The following MEMO1 variants were observed in gnomAD, a reference collection of about 807,000 sequenced individuals.
MEMO1 encodes mediator of cell motility 1.
In MEMO1, 6 loss-of-function variants were observed where a neutral mutation model predicts 45.2. The observed-to-expected ratio is 0.13, with a 90% CI of 0.07 to 0.26. The LOEUF (loss-of-function observed/expected upper bound fraction) is 0.26, where lower values mean the gene tolerates loss of function less well. Ranked by LOEUF, MEMO1 falls within the 10% of genes least tolerant of loss-of-function variation. MEMO1 has a pLI of 1.00. For missense variants in MEMO1, 184 were observed against 370.5 expected, an observed-to-expected ratio of 0.50 and a Z score of 4.13; for synonymous variants, 78 against 124.3, an observed-to-expected ratio of 0.63 and a Z score of 2.48.
At chr2:32,000,957 T>A (rs1394776715) in intron 2 of MEMO1, among the ~76,000 whole-genome samples, 4 of 151,762 alleles carry the variant, frequency 2.6e-5, no homozygotes. Flanking sequence ...GCCTTTCACA[T>A]AGCAGAAATT....
At chr2:31,925,469 C>T (rs373640591) in intron 4 of MEMO1, among the ~76,000 whole-genome samples, 64 of 39,354 alleles carry the variant, frequency 1.6e-3, no homozygotes, top group African/African-American at 5.5e-3. Context: ...GAGCAAGACT[C>T]CGTCTCAAAA....
At chr2:31,953,869 T>C (rs900031700) in intron 2 of MEMO1, among the ~76,000 whole-genome samples, 4 of 152,302 alleles carry the variant, frequency 2.6e-5, no homozygotes, top group Admixed American at 6.5e-5. Context: ...CCTTCAAATA[T>C]TTTGAAAAAT....
intron 2 of MEMO1, among the ~76,000 whole-genome samples, chr2:32,006,848 T>G (rs1276740480): frequency 6.6e-6 from 1 of 151,034 alleles, no homozygotes; most frequent in African/African-American, 2.4e-5. Context: ...GCCTGCAGTC[T>G]CAGCTACTCA....
At chr2:31,932,930 G>A (rs964527472) in intron 3 of MEMO1, among the ~76,000 whole-genome samples, 16 of 151,838 alleles carry the variant, frequency 1.1e-4, no homozygotes, top group Non-Finnish European at 2.4e-4. Context: ...TCTGGTCTCC[G>A]AATTCAGTCA....
chr2:31,888,820 T>C (rs1383814366), intron 7 of MEMO1, among the ~76,000 whole-genome samples: 1 of 152,018 alleles, frequency 6.6e-6, no homozygotes. Context: ...ATGAGGGGAT[T>C]GAAAGAAGGG....
At chr2:31,966,504 G>A (rs1384241955) in intron 2 of MEMO1, among the ~76,000 whole-genome samples, 1 of 152,140 alleles carries the variant, frequency 6.6e-6, no homozygotes, top group Non-Finnish European at 1.5e-5. Flanking sequence ...GCCAAGGCAG[G>A]GGGATCACCT....
chr2:31,869,807 T>C, intron 9 of MEMO1, 41 bp downstream of exon 9: 2 of 1,561,016 alleles, frequency 1.3e-6, no homozygotes, highest in Non-Finnish European at 8.6e-7. Context: ...GAATATCATA[T>C]GACCAAATGT....
intron 2 of MEMO1, among the ~76,000 whole-genome samples, chr2:32,008,946 A>G (rs1674443030): frequency 6.6e-6 from 1 of 152,190 alleles, no homozygotes; most frequent in African/African-American, 2.4e-5. Context: ...CTCCAAGCCA[A>G]TTCTTTGCAA....
At chr2:31,885,157 T>TC (rs1220728492) in intron 7 of MEMO1, among the ~76,000 whole-genome samples, 1 of 152,188 alleles carries the variant, frequency 6.6e-6, no homozygotes, top group Non-Finnish European at 1.5e-5. Flanking sequence ...TCTCACCCTG[T>TC]TGCCCAGGCT....
chr2:31,914,683 T>C (rs1681150293), intron 6 of MEMO1, among the ~76,000 whole-genome samples: 1 of 152,148 alleles, frequency 6.6e-6, no homozygotes. Context: ...TGATTTGTTA[T>C]GCTGCAATAG....
intron 6 of MEMO1, among the ~76,000 whole-genome samples, chr2:31,914,518 T>C (rs941499526): frequency 6.6e-5 from 10 of 152,202 alleles, no homozygotes; most frequent in African/African-American, 2.4e-4. Flanking sequence ...ACACTAAAGA[T>C]AAATGCTTGA....
At chr2:31,998,794 C>T (rs1424248692) in intron 2 of MEMO1, among the ~76,000 whole-genome samples, 10 of 149,690 alleles carry the variant, frequency 6.7e-5, no homozygotes, top group Admixed American at 6.0e-4. Flanking sequence ...TGTGAGACTC[C>T]GTCTCAAAAA....
chr2:32,003,231 T>C (rs1048038974), intron 2 of MEMO1, among the ~76,000 whole-genome samples: 1 of 152,168 alleles, frequency 6.6e-6, no homozygotes, highest in Non-Finnish European at 1.5e-5. Context: ...TATAATTTTA[T>C]CAATTGTTTA....
intron 1 of MEMO1, 56 bp downstream of exon 1, chr2:32,010,886 G>A (rs927212089): frequency 6.6e-6 from 1 of 152,556 alleles, no homozygotes; most frequent in African/African-American, 2.4e-5. Flanking sequence ...CAAAAGCCCA[G>A]GGCCGGGGCC....
At chr2:31,900,684 T>TAA (rs530751095) in intron 6 of MEMO1, among the ~76,000 whole-genome samples, 1 of 142,168 alleles carries the variant, frequency 7.0e-6, no homozygotes, top group Non-Finnish European at 1.5e-5. Flanking sequence ...TACAATAATT[T>TAA]AAAAAAAAAA....
rs377267129 is a variant in MEMO1 at position 32,000,362 on chromosome 2, C to A, written c.61+9825G>T. On this transcript the variant is annotated intron_variant, in intron 2 of 9. Transcript: ENST00000404530. ...CTTCTCGCCGCAGCCTCCCAAGTAG[C>A]TGGGACTACAGGAACCTGCCACCAC... is the stretch of plus-strand genomic sequence containing the variant. Among the ~76,000 whole-genome samples, 4 of 152,206 alleles carry A rather than the reference C, an allele frequency of 2.6e-5. No homozygotes were observed. The East Asian group carries it at 7.7e-4, about 29-fold the overall frequency.
intron 2 of MEMO1, among the ~76,000 whole-genome samples, chr2:31,984,234 C>T (rs1240188712): frequency 6.6e-6 from 1 of 152,132 alleles, no homozygotes; most frequent in African/African-American, 2.4e-5. Flanking sequence ...GTTAACCTCA[C>T]CAACATTAAT....
intron 2 of MEMO1, among the ~76,000 whole-genome samples, chr2:31,985,086 C>T (rs1056877459): frequency 6.6e-6 from 1 of 152,094 alleles, no homozygotes; most frequent in Non-Finnish European, 1.5e-5. Flanking sequence ...GTACAGAAAT[C>T]TGAGGTCATT....
chr2:31,961,499 AC>A (rs1477288874), intron 2 of MEMO1, among the ~76,000 whole-genome samples: 1 of 150,872 alleles, frequency 6.6e-6, no homozygotes, highest in East Asian at 2.0e-4. Flanking sequence ...ATGGTGGCTC[AC>A]GCCTATAATC....
Sources: allele counts gnomAD v4.1 joint callset (sites outside exome capture counted in the v4.1 genomes callset), GRCh38; gene constraint gnomAD v4.1.1; transcripts MANE v1.5; gene names NCBI Gene and HGNC (gene_info 2026-07-23, HGNC 2026-07-21).